The following CEMIP2 variants were observed in gnomAD, a reference collection of about 807,000 sequenced individuals.
CEMIP2 encodes the protein cell surface hyaluronidase CEMIP2.
CEMIP2 carries 79 observed loss-of-function variants against 146.9 expected under a neutral mutation model. That is an observed-to-expected ratio of 0.54 (90% CI 0.45 to 0.65). The LOEUF (loss-of-function observed/expected upper bound fraction) is 0.65, where lower values mean the gene tolerates loss of function less well. CEMIP2 is among the 30% of genes least tolerant of loss of function. The pLI is 0.00. For missense variants in CEMIP2, 1,596 were observed against 1,696.2 expected, an observed-to-expected ratio of 0.94 and a Z score of 1.04; for synonymous variants, 601 against 606.3, an observed-to-expected ratio of 0.99 and a Z score of 0.13.
chr9:71,731,540 G>C (rs1400146521), intron 7 of CEMIP2, among the ~76,000 whole-genome samples: 1 of 152,028 alleles, frequency 6.6e-6, no homozygotes, highest in African/African-American at 2.4e-5. Context: ...ACCAGCCTGG[G>C]CAACATGGCA....
chr9:71,693,267 G>C (rs12006341), intron 21 of CEMIP2, among the ~76,000 whole-genome samples: 27,025 of 152,164 alleles, frequency 0.18, 2,534 homozygotes, highest in East Asian at 0.36. Context: ...TACCTGAAAG[G>C]CTGGATACCT....
At chr9:71,748,036 T>G (rs898900934) in intron 2 of CEMIP2, among the ~76,000 whole-genome samples, 24 of 152,222 alleles carry the variant, frequency 1.6e-4, no homozygotes, top group Non-Finnish European at 2.4e-4. Context: ...TCCTTAACTT[T>G]TCTACCTCCC....
At chr9:71,749,392 CT>C (rs1824179920) in intron 2 of CEMIP2, among the ~76,000 whole-genome samples, 2 of 151,638 alleles carry the variant, frequency 1.3e-5, no homozygotes, top group South Asian at 4.2e-4. Context: ...ATATAGTTCA[CT>C]ATACGTATGA....
intron 14 of CEMIP2, among the ~76,000 whole-genome samples, chr9:71,715,726 A>G (rs1222564077): frequency 6.7e-6 from 1 of 149,612 alleles, no homozygotes; most frequent in Non-Finnish European, 1.5e-5. Flanking sequence ...AGCTCACAGG[A>G]TACTGCCATC....
chr9:71,750,522 A>G, intron 1 of CEMIP2, 137 bp from the exon 2 acceptor site: 1 of 629,090 alleles, frequency 1.6e-6, no homozygotes, highest in Non-Finnish European at 2.5e-6. Flanking sequence ...GCTCACCGCC[A>G]CCTCTGCCTC....
chr9:71,701,167 G>A (rs931120253), intron 18 of CEMIP2, among the ~76,000 whole-genome samples: 12 of 152,002 alleles, frequency 7.9e-5, no homozygotes, highest in African/African-American at 1.9e-4. Context: ...GTGCAGTGGC[G>A]CGATCTCAGC....
At chr9:71,691,491 C>T (rs1168958273) in intron 21 of CEMIP2, among the ~76,000 whole-genome samples, 2 of 151,060 alleles carry the variant, frequency 1.3e-5, no homozygotes, top group Non-Finnish European at 2.9e-5. Context: ...GTTCTGGAAG[C>T]ATTTGAAGTA....
chr9:71,763,719 C>T (rs1041398887), intron 1 of CEMIP2, among the ~76,000 whole-genome samples: 1 of 152,186 alleles, frequency 6.6e-6, no homozygotes, highest in East Asian at 1.9e-4. Flanking sequence ...TACTAGGTTA[C>T]CCTAATATTA....
At chr9:71,730,610 TA>T in intron 8 of CEMIP2, 94 bp downstream of exon 8, 1 of 1,321,670 alleles carries the variant, frequency 7.6e-7, no homozygotes. Context: ...GGCATGTGGC[TA>T]AACAGTTTAC....
At chr9:71,713,350 G>A (rs1184474217) in intron 15 of CEMIP2, among the ~76,000 whole-genome samples, 2 of 152,126 alleles carry the variant, frequency 1.3e-5, no homozygotes, top group African/African-American at 4.8e-5. Context: ...CAGGTAAGAT[G>A]TGACTTGCTC....
In CEMIP2 at chr9:71,744,960, ACT is replaced by A. The variant is rs1329392556; in HGVS notation, c.1034+56_1034+57del. On this transcript the variant is annotated intron_variant, in intron 4 of 23. Coordinates refer to ENST00000377044, the MANE Select transcript of CEMIP2 (RefSeq NM_013390.3). ...GGCTGTGGCTCCTTTCCCCACCCTC[ACT>A]CTCCTCTCACACAGACACGGACTCT... 4 of 1,533,250 alleles carry A rather than the reference ACT, an allele frequency of 2.6e-6. No homozygotes were observed. The East Asian group carries it at 9.0e-5, about 35-fold the overall frequency. The allele number at this position is 1,533,250 out of a possible 1,614,324, so 95.0% of individuals were successfully genotyped here. A position where few individuals can be genotyped will look rare whatever the true frequency, so the allele number is the denominator to read the frequency against.
At chr9:71,727,694 A>G (rs1474708771) in intron 10 of CEMIP2, among the ~76,000 whole-genome samples, 2 of 152,226 alleles carry the variant, frequency 1.3e-5, no homozygotes, top group Admixed American at 6.5e-5. Context: ...ATATTTAGGT[A>G]TCACTGCAAA....
intron 4 of CEMIP2, among the ~76,000 whole-genome samples, chr9:71,741,773 G>A (rs906176651): frequency 6.6e-6 from 1 of 150,990 alleles, no homozygotes; most frequent in African/African-American, 2.4e-5. Flanking sequence ...CAAGTAGCTG[G>A]GATTACGGGT....
intron 1 of CEMIP2, among the ~76,000 whole-genome samples, chr9:71,752,193 G>T (rs1429753815): frequency 6.6e-6 from 1 of 151,632 alleles, no homozygotes; most frequent in Non-Finnish European, 1.5e-5. Flanking sequence ...TAAAGTTCAG[G>T]CTTTTAACTT....
chr9:71,768,148 T>A (rs1824856629), intron 1 of CEMIP2, among the ~76,000 whole-genome samples: 1 of 152,068 alleles, frequency 6.6e-6, no homozygotes, highest in South Asian at 2.1e-4. Context: ...TCAGTCCCAA[T>A]CCAGAGATGA....
intron 1 of CEMIP2, among the ~76,000 whole-genome samples, chr9:71,758,924 T>C (rs780791963): frequency 7.2e-5 from 11 of 152,224 alleles, no homozygotes; most frequent in Admixed American, 1.3e-4. Flanking sequence ...CTTTTGTCTT[T>C]TTCCTTCAAC....
chr9:71,740,034 T>TTA (rs763039097), intron 5 of CEMIP2, 29 bp downstream of exon 5: 2 of 1,600,936 alleles, frequency 1.2e-6, no homozygotes, highest in East Asian at 4.5e-5. Flanking sequence ...TATCAGTGTC[T>TTA]TACAAGAGTA....
At chr9:71,709,828 G>A (rs1194412850) in intron 16 of CEMIP2, among the ~76,000 whole-genome samples, 2 of 152,184 alleles carry the variant, frequency 1.3e-5, no homozygotes, top group African/African-American at 4.8e-5. Context: ...GGGAGACTAT[G>A]CAGTCACATA....
intron 1 of CEMIP2, among the ~76,000 whole-genome samples, chr9:71,768,141 G>A (rs76770880): frequency 0.046 from 7,031 of 152,254 alleles, 224 homozygotes; most frequent in East Asian, 0.11. Flanking sequence ...AGTCGGGTCA[G>A]TCCCAATCCA....
Sources: gnomAD v4.1 joint callset for allele counts (sites outside exome capture counted in the v4.1 genomes callset) on GRCh38, gnomAD v4.1.1 for gene constraint, MANE v1.5 for transcripts, NCBI Gene and HGNC (gene_info 2026-07-23, HGNC 2026-07-21) for gene names.